The following SGPL1 variants were observed in gnomAD, a reference collection of about 807,000 sequenced individuals.
SGPL1 encodes SP-lyase 1.
Under a neutral mutation model 68.9 loss-of-function variants are expected in SGPL1, and 37 were observed. The ratio of observed to expected loss-of-function variants is 0.54; its 90% CI spans 0.41 to 0.71. The LOEUF (loss-of-function observed/expected upper bound fraction) is 0.71, where lower values mean the gene tolerates loss of function less well. SGPL1 is among the 30% of genes least tolerant of loss of function. The pLI is 0.00. For missense variants in SGPL1, 551 were observed against 704.6 expected (o/e 0.78, Z 2.47); for synonymous variants, 236 against 248.5 (o/e 0.95, Z 0.47).
chr10:70,831,398 C>CGACA lies in SGPL1; in HGVS notation c.28-13075_28-13074insGACA, dbSNP rs569110335. On this transcript the variant is annotated intron_variant, in intron 2 of 14. Transcript: ENST00000373202. ...GCTCAGTCCCAACCCATACCTGTCT[C>CGACA]CCCCAACCCCAACCTGTCACAAGTC... 3.9e-5 allele frequency among the ~76,000 whole-genome samples: 6 copies of CGACA among 152,268 alleles called. 1 individual carries two copies. In the South Asian group the frequency reaches 1.2e-3, roughly 32 times the overall value.
In SGPL1 at chr10:70,857,690, G is replaced by T. The variant is rs1416173169; in HGVS notation, c.486G>T (p.Lys162Asn). 6.2e-7 allele frequency: 1 copy of T among 1,607,490 alleles called. No individual in the cohort carries two copies. The highest frequency in any genetic ancestry group is 8.5e-7 in the Non-Finnish European group (1 of 1,175,502). ...AGAAGCTCACTGAGCTCCTTGTGAA[G>T]GTGAGTGTCCAGTTCTTGAGGGAAG... ...GEEKLTELLV[K>N]AYGDFAWSNP... The change falls in exon 6 of 15, where the codon AAG (lysine) becomes AAT (asparagine). Residue 162 changes from lysine to asparagine, a missense_variant and splice_region_variant. By Grantham distance (94) the Lys-to-Asn change is moderately conservative (BLOSUM62 0). Transcript: ENST00000373202.
In SGPL1 at chr10:70,826,229, T is replaced by A. The variant is rs1416343043; in HGVS notation, c.27+9349T>A. Reference sequence around the variant, plus strand: ...AATACAATACAACACAACACAACAATACAATACAATACAGTACTACAGTAC... The same window carrying A: ...AATACAATACAACACAACACAACAAAACAATACAATACAGTACTACAGTAC... On this transcript the variant is annotated intron_variant, in intron 2 of 14. Transcript: ENST00000373202. 2.0e-5 allele frequency among the ~76,000 whole-genome samples: 3 copies of A among 152,108 alleles called. No homozygotes were observed. In the South Asian group the frequency reaches 6.2e-4, roughly 32 times the overall value.
intron 9 of SGPL1, chr10:70,870,160 C>T (rs933086014): frequency 3.0e-6 from 1 of 329,028 alleles, no homozygotes; most frequent in Non-Finnish European, 5.5e-6. Context: ...CTTTTTCTTT[C>T]TTTTCTCTAT....
chr10:70,842,288 G>C (rs1281724770), intron 2 of SGPL1, among the ~76,000 whole-genome samples: 3 of 152,136 alleles, frequency 2.0e-5, no homozygotes. Flanking sequence ...AAGTGAGATT[G>C]CTAGGTCAAA....
chr10:70,861,135 C>T (rs1270003743), intron 7 of SGPL1, among the ~76,000 whole-genome samples: 1 of 149,444 alleles, frequency 6.7e-6, no homozygotes, highest in South Asian at 2.1e-4. Flanking sequence ...AGCCCTGGTT[C>T]ATTTAAAACT....
intron 2 of SGPL1, among the ~76,000 whole-genome samples, chr10:70,819,010 G>T (rs1466948656): frequency 6.6e-6 from 1 of 152,160 alleles, no homozygotes; most frequent in Non-Finnish European, 1.5e-5. Context: ...TGTAGCAATT[G>T]ACAGTTTCTG....
chr10:70,870,508 A>C (rs1589474942), intron 9 of SGPL1, among the ~76,000 whole-genome samples: 1 of 3,034 alleles, frequency 3.3e-4, no homozygotes, highest in South Asian at 0.024. Flanking sequence ...ACCCTGTCTC[A>C]AAAAAAAAAA....
At chr10:70,853,248 C>T (rs1290843287) in intron 4 of SGPL1, among the ~76,000 whole-genome samples, 1 of 152,174 alleles carries the variant, frequency 6.6e-6, no homozygotes, top group African/African-American at 2.4e-5. Flanking sequence ...CAGACATGCT[C>T]GAAAGGAGTG....
At chr10:70,825,720 C>T (rs1158812224) in intron 2 of SGPL1, among the ~76,000 whole-genome samples, 2 of 152,156 alleles carry the variant, frequency 1.3e-5, no homozygotes, top group Non-Finnish European at 2.9e-5. Context: ...GGAGTGAGTG[C>T]TACATACTTT....
intron 10 of SGPL1, 125 bp downstream of exon 10, chr10:70,871,271 C>T: frequency 1.6e-6 from 1 of 607,920 alleles, no homozygotes; most frequent in Non-Finnish European, 2.9e-6. Context: ...TGATAAGTAG[C>T]TCTCATCAGC....
intron 7 of SGPL1, among the ~76,000 whole-genome samples, chr10:70,863,731 A>G (rs1589470025): frequency 6.6e-6 from 1 of 152,230 alleles, no homozygotes; most frequent in Non-Finnish European, 1.5e-5. Context: ...CTTGTTACAC[A>G]TTCTTGAAAG....
chr10:70,821,815 CT>C (rs1845343443), intron 2 of SGPL1, among the ~76,000 whole-genome samples: 1 of 152,084 alleles, frequency 6.6e-6, no homozygotes, highest in African/African-American at 2.4e-5. Flanking sequence ...GTTAACGTGT[CT>C]GTTATTGTCT....
chr10:70,863,521 T>G (rs1479819070), intron 7 of SGPL1, among the ~76,000 whole-genome samples: 1 of 152,156 alleles, frequency 6.6e-6, no homozygotes, highest in Non-Finnish European at 1.5e-5. Context: ...CACTCATTTT[T>G]CTGGGAACCT....
chr10:70,878,819 A>G lies in SGPL1; in HGVS notation c.*1484A>G, dbSNP rs576344380. The G allele has an allele frequency of 6.6e-6, 1 of 152,452 alleles. No individual in the cohort carries two copies. Among genetic ancestry groups the G allele is most frequent in the Admixed American group, 6.5e-5 (1 of 15,298 alleles). 9.4% of individuals were successfully genotyped at this position (152,452 alleles called of 1,614,324 possible). A position where few individuals can be genotyped will look rare whatever the true frequency, so the allele number is the denominator to read the frequency against. ...TTGCCTCAGGTGCTGAACATTTCTC[A>G]GCCCTGGCTAAAAGGGAGCAGCACA... On this transcript the variant is annotated 3_prime_UTR_variant, in exon 15 of 15. Coordinates refer to ENST00000373202, the MANE Select transcript of SGPL1 (RefSeq NM_003901.4).
At chr10:70,849,447 C>T (rs1227138864) in intron 3 of SGPL1, among the ~76,000 whole-genome samples, 1 of 152,116 alleles carries the variant, frequency 6.6e-6, no homozygotes, top group Non-Finnish European at 1.5e-5. Flanking sequence ...GAACATAGGG[C>T]TAGAAGGAAA....
rs1461989828 is a variant in SGPL1 at position 70,880,530 on chromosome 10, G to A, written c.*3195G>A. ...GGCAGTGTGGTTCTGTCTAACCAAAGGGCATTGGCCTCAAACCCTGCATTT... is the reference window on the plus strand; with the variant it reads ...GGCAGTGTGGTTCTGTCTAACCAAAAGGCATTGGCCTCAAACCCTGCATTT... On this transcript the variant is annotated 3_prime_UTR_variant, in exon 15 of 15. Transcript: ENST00000373202. 6.6e-6 allele frequency: 1 copy of A among 152,160 alleles called. No homozygotes were observed. Among genetic ancestry groups the A allele is most frequent in the East Asian group, 1.9e-4 (1 of 5,202 alleles). 9.4% of individuals were successfully genotyped at this position (152,160 alleles called of 1,614,324 possible). A position where few individuals can be genotyped will look rare whatever the true frequency, so the allele number is the denominator to read the frequency against.
In SGPL1 at chr10:70,849,669, G is replaced by A. The variant is rs114789856; in HGVS notation, c.194-1474G>A. Among the ~76,000 whole-genome samples the A allele has an allele frequency of 4.1e-3, 626 of 152,342 alleles. 3 individuals are homozygous for A. Among genetic ancestry groups the A allele is most frequent in the African/African-American group, 0.014 (591 of 41,586 alleles). ...GTGATAGATACAAAAAGGGGGTGCA[G>A]ACACATCCCGTGGTTGTTGAGTGAA... On this transcript the variant is annotated intron_variant, in intron 3 of 14. Transcript: ENST00000373202.
At chr10:70,853,426 C>T (rs958062082) in intron 4 of SGPL1, among the ~76,000 whole-genome samples, 1 of 152,228 alleles carries the variant, frequency 6.6e-6, no homozygotes, top group African/African-American at 2.4e-5. Context: ...TGTAGCTTCT[C>T]TCCCCAAACC....
rs116636658 is a variant in SGPL1 at position 70,878,512 on chromosome 10, C to T, written c.*1177C>T. The T allele has an allele frequency of 6.6e-6, 1 of 152,224 alleles. No homozygotes were observed. Among genetic ancestry groups the T allele is most frequent in the Non-Finnish European group, 1.5e-5 (1 of 68,058 alleles). The allele number at this position is 152,224 out of a possible 1,614,324, so 9.4% of individuals were successfully genotyped here. A position where few individuals can be genotyped will look rare whatever the true frequency, so the allele number is the denominator to read the frequency against. On this transcript the variant is annotated 3_prime_UTR_variant, in exon 15 of 15. Coordinates refer to ENST00000373202, the MANE Select transcript of SGPL1 (RefSeq NM_003901.4). ...TCCTGGGCTGGTGATGAGCAGAAAT[C>T]AGACCTTTTTCTATGCTTTTTTGAA...
Sources: allele counts gnomAD v4.1 joint callset (sites outside exome capture counted in the v4.1 genomes callset), GRCh38; gene constraint gnomAD v4.1.1; transcripts MANE v1.5; gene names NCBI Gene and HGNC (gene_info 2026-07-23, HGNC 2026-07-21).